GPC5: variants seen among roughly 807,000 people sequenced by gnomAD.
The protein encoded by GPC5 is glypican 5, also known as glypican-5.
A neutral mutation model predicts 53.9 loss-of-function variants in GPC5; 47 were observed. That is an observed-to-expected ratio of 0.87 (90% CI 0.69 to 1.11). The LOEUF is 1.11. GPC5 is among the 50% of genes most tolerant of loss of function. The probability of loss-of-function intolerance (pLI) is 0.00; values close to 1 mark genes in which losing one functional copy is unlikely to be tolerated. For missense variants in GPC5, 748 were observed against 713.1 expected, an observed-to-expected ratio of 1.05 and a Z score of -0.56; for synonymous variants, 286 against 263.3, an observed-to-expected ratio of 1.09 and a Z score of -0.84.
intron 7 of GPC5, among the ~76,000 whole-genome samples, chr13:92,283,094 G>A (rs9523591): frequency 0.086 from 13,008 of 152,092 alleles, 617 homozygotes; most frequent in Middle Eastern, 0.12. Context: ...TTGCAATCCT[G>A]GTCTCTGATA....
At position 92,600,479 on chromosome 13, in the gene GPC5, AATTC is replaced by A. The variant is rs372436108; in HGVS notation, c.1562-265779_1562-265776del. ...TTCCCATGTGTTTTTTTTTCTTTTC[AATTC>A]ATTCATTCATTCATTCATTCATTTA... On this transcript the variant is annotated intron_variant, in intron 7 of 7. Coordinates refer to ENST00000377067, the MANE Select transcript of GPC5 (RefSeq NM_004466.6). Among the ~76,000 whole-genome samples, 1,357 of 151,218 alleles carry A rather than the reference AATTC, an allele frequency of 9.0e-3. 14 individuals carry two copies. Among genetic ancestry groups the A allele is most frequent in the African/African-American group, 0.031 (1,258 of 41,116 alleles).
chr13:92,739,935 G>A (rs1889041283), intron 7 of GPC5, among the ~76,000 whole-genome samples: 1 of 151,870 alleles, frequency 6.6e-6, no homozygotes, highest in South Asian at 2.1e-4. Context: ...TTCATTTTCA[G>A]AACCCACAAA....
intron 7 of GPC5, among the ~76,000 whole-genome samples, chr13:92,275,511 C>T (rs1324550882): frequency 6.6e-6 from 1 of 152,064 alleles, no homozygotes; most frequent in Non-Finnish European, 1.5e-5. Flanking sequence ...CAAACTTTGT[C>T]TAAACAATAA....
At chr13:92,415,904 C>T (rs995098352) in intron 7 of GPC5, among the ~76,000 whole-genome samples, 7 of 151,868 alleles carry the variant, frequency 4.6e-5, no homozygotes, top group Non-Finnish European at 1.5e-5. Context: ...GAGAATTTGC[C>T]AGACACATTT....
chr13:91,480,742 C>T (rs1013768014), intron 2 of GPC5, among the ~76,000 whole-genome samples: 1 of 152,178 alleles, frequency 6.6e-6, no homozygotes, highest in African/African-American at 2.4e-5. Flanking sequence ...TGGAGCGCTG[C>T]ACTAGTATAA....
chr13:91,606,880 A>G (rs551683406), intron 2 of GPC5, among the ~76,000 whole-genome samples: 53 of 150,768 alleles, frequency 3.5e-4, no homozygotes, highest in African/African-American at 1.3e-3. Context: ...CGGTCTATCA[A>G]TTTTGTTGAT....
At chr13:92,779,049 G>T (rs1478135534) in intron 7 of GPC5, among the ~76,000 whole-genome samples, 2 of 151,936 alleles carry the variant, frequency 1.3e-5, no homozygotes, top group Non-Finnish European at 2.9e-5. Flanking sequence ...TTTTCATGGT[G>T]TTGATAAAGA....
At position 92,200,750 on chromosome 13, in the gene GPC5, G is replaced by A. The variant is rs181448709; in HGVS notation, c.1561+55761G>A. 1.6e-4 allele frequency among the ~76,000 whole-genome samples: 24 copies of A among 152,286 alleles called. 1 individual carries two copies. The highest frequency in any genetic ancestry group is 6.8e-3 in the Middle Eastern group (2 of 294). Reference sequence around the variant, plus strand: ...GCCCAAAGCTAGACCAATTATTGTAGCTAAAGAATTAGGTACAATGATTGG... The same window carrying A: ...GCCCAAAGCTAGACCAATTATTGTAACTAAAGAATTAGGTACAATGATTGG... On this transcript the variant is annotated intron_variant, in intron 7 of 7. Coordinates refer to ENST00000377067, the MANE Select transcript of GPC5 (RefSeq NM_004466.6).
rs558387004 is a variant in GPC5 at position 91,838,686 on chromosome 13, A to G, written c.1281-69251A>G. ...TGGGTAGGAAGGTGACAAATTCCCT[A>G]CGCTGGGGCTTTTATATTTTCCCTG... On this transcript the variant is annotated intron_variant, in intron 5 of 7. Transcript: ENST00000377067. Among the ~76,000 whole-genome samples, 83 of 152,186 alleles carry G rather than the reference A, an allele frequency of 5.5e-4. 1 individual carries two copies. Among genetic ancestry groups the G allele is most frequent in the African/African-American group, 1.9e-3 (81 of 41,540 alleles).
chr13:91,533,014 T>C (rs969953058), intron 2 of GPC5, among the ~76,000 whole-genome samples: 1 of 152,182 alleles, frequency 6.6e-6, no homozygotes. Context: ...GATGTATAAG[T>C]GTGTGGATGA....
At chr13:92,412,967 G>C (rs1876114840) in intron 7 of GPC5, among the ~76,000 whole-genome samples, 1 of 152,134 alleles carries the variant, frequency 6.6e-6, no homozygotes, top group Admixed American at 6.5e-5. Context: ...ACACATTACT[G>C]TCAGATAAAT....
chr13:92,756,010 T>A (rs370882489), intron 7 of GPC5, among the ~76,000 whole-genome samples: 1 of 152,018 alleles, frequency 6.6e-6, no homozygotes, highest in Non-Finnish European at 1.5e-5. Context: ...TACCAAAGCC[T>A]GGCAGAGACA....
At chr13:92,063,876 TA>T (rs2041143785) in intron 6 of GPC5, among the ~76,000 whole-genome samples, 1 of 152,162 alleles carries the variant, frequency 6.6e-6, no homozygotes, top group African/African-American at 2.4e-5. Flanking sequence ...TTGCTTGAAA[TA>T]AATGGCATCT....
chr13:92,657,411 C>T (rs1392159292), intron 7 of GPC5, among the ~76,000 whole-genome samples: 1 of 152,132 alleles, frequency 6.6e-6, no homozygotes, highest in Non-Finnish European at 1.5e-5. Flanking sequence ...TTTGCTCTAA[C>T]ACTGGATCCC....
chr13:92,390,911 T>A (rs1341062665), intron 7 of GPC5, among the ~76,000 whole-genome samples: 1 of 152,158 alleles, frequency 6.6e-6, no homozygotes, highest in Non-Finnish European at 1.5e-5. Flanking sequence ...GGTCACATAA[T>A]CAATGTGTAG....
At chr13:91,813,488 A>G (rs935609927) in intron 5 of GPC5, among the ~76,000 whole-genome samples, 4 of 152,212 alleles carry the variant, frequency 2.6e-5, no homozygotes, top group African/African-American at 9.6e-5. Flanking sequence ...CACTAAAGAG[A>G]ATTTGCAGAA....
At position 92,347,853 on chromosome 13, in the gene GPC5, A is replaced by ATATATAT; in HGVS notation, c.1561+202864_1561+202865insTATATAT. Among the ~76,000 whole-genome samples the ATATATAT allele has an allele frequency of 1.3e-3, 18 of 14,000 alleles. 5 individuals are homozygous for ATATATAT. Among genetic ancestry groups the ATATATAT allele is most frequent in the African/African-American group, 0.011 (18 of 1,670 alleles). The allele number at this position is 14,000 out of a possible 152,430, so 9.2% of individuals were successfully genotyped here. ...ATCAGCTTGAAATAGGCTGTTTTAT[A>ATATATAT]CATATATATATTATATATATAATAT... On this transcript the variant is annotated intron_variant, in intron 7 of 7. Transcript: ENST00000377067.
intron 6 of GPC5, among the ~76,000 whole-genome samples, chr13:92,144,203 T>C (rs1455665872): frequency 6.6e-6 from 1 of 152,190 alleles, no homozygotes; most frequent in Non-Finnish European, 1.5e-5. Flanking sequence ...ATAAATGAAA[T>C]ACTTGAGAAT....
At chr13:92,817,766 C>A (rs1877527676) in intron 7 of GPC5, among the ~76,000 whole-genome samples, 2 of 151,868 alleles carry the variant, frequency 1.3e-5, no homozygotes, top group Non-Finnish European at 2.9e-5. Flanking sequence ...CTCCAAGAAA[C>A]AAACAGTTTT....
Sources: allele counts gnomAD v4.1 joint callset (sites outside exome capture counted in the v4.1 genomes callset), GRCh38; gene constraint gnomAD v4.1.1; transcripts MANE v1.5; gene names NCBI Gene and HGNC (gene_info 2026-07-23, HGNC 2026-07-21).